Variants in CTNND2 observed in about 807,000 individuals in gnomAD.
The protein encoded by CTNND2 is catenin delta-2.
CTNND2 carries 22 observed loss-of-function variants against 144.4 expected under a neutral mutation model. That is an observed-to-expected ratio of 0.15 (90% CI 0.11 to 0.22). CTNND2 has a LOEUF of 0.22. Ranked by LOEUF, CTNND2 falls within the 10% of genes least tolerant of loss-of-function variation. The pLI is 1.00. For synonymous variants in CTNND2, 751 were observed against 695.6 expected (o/e 1.08, Z -1.25); for missense variants, 1,353 against 1,618.8 (o/e 0.84, Z 2.82).
intron 1 of CTNND2, among the ~76,000 whole-genome samples, chr5:11,840,489 T>C (rs1794407322): frequency 6.6e-6 from 1 of 152,178 alleles, no homozygotes; most frequent in African/African-American, 2.4e-5. Flanking sequence ...GATAAATATC[T>C]TCTATGGTTT....
chr5:11,584,621 A>G (rs955923706), intron 2 of CTNND2, among the ~76,000 whole-genome samples: 1 of 152,146 alleles, frequency 6.6e-6, no homozygotes, highest in South Asian at 2.1e-4. Context: ...ATATGTGCTG[A>G]GTTTAATTAA....
intron 8 of CTNND2, among the ~76,000 whole-genome samples, chr5:11,353,209 C>T (rs1191643240): frequency 6.6e-6 from 1 of 152,072 alleles, no homozygotes; most frequent in Non-Finnish European, 1.5e-5. Flanking sequence ...ATTTAATGCT[C>T]ACAACAGCCT....
intron 9 of CTNND2, among the ~76,000 whole-genome samples, chr5:11,314,013 C>T (rs988301571): frequency 3.3e-5 from 5 of 152,148 alleles, no homozygotes. Context: ...TCATCTCCCA[C>T]CAAGCCCCTC....
chr5:11,407,830 A>G (rs1231268904), intron 5 of CTNND2, among the ~76,000 whole-genome samples: 3 of 149,364 alleles, frequency 2.0e-5, no homozygotes, highest in Non-Finnish European at 4.5e-5. Flanking sequence ...CTGCATATCT[A>G]TTTGCTATGT....
chr5:11,530,105 A>AT (rs1183877456), intron 3 of CTNND2, among the ~76,000 whole-genome samples: 7 of 149,934 alleles, frequency 4.7e-5, no homozygotes, highest in Non-Finnish European at 8.9e-5. Context: ...AGTTCCTTTG[A>AT]TTTTAACTCC....
intron 1 of CTNND2, among the ~76,000 whole-genome samples, chr5:11,826,803 C>A (rs943492843): frequency 5.9e-5 from 9 of 151,696 alleles, no homozygotes; most frequent in African/African-American, 2.2e-4. Flanking sequence ...TATATTCATA[C>A]AACATTATTC....
At chr5:11,185,226 C>T (rs1047978357) in intron 11 of CTNND2, among the ~76,000 whole-genome samples, 18 of 152,182 alleles carry the variant, frequency 1.2e-4, no homozygotes, top group African/African-American at 4.1e-4. Flanking sequence ...GTTTCTCTTT[C>T]CTCCTCTAAG....
chr5:11,404,097 GCA>G (rs1760870335), intron 5 of CTNND2, among the ~76,000 whole-genome samples: 2 of 152,174 alleles, frequency 1.3e-5, no homozygotes, highest in African/African-American at 4.8e-5. Context: ...AGAATATGCA[GCA>G]CACATTCCCA....
intron 2 of CTNND2, among the ~76,000 whole-genome samples, chr5:11,589,282 A>AACACACACACACACACACACAC (rs34009518): frequency 6.8e-6 from 1 of 146,620 alleles, no homozygotes; most frequent in Non-Finnish European, 1.5e-5. Context: ...TTAACATTAA[A>AACACACACACACACACACACAC]ACACACACAC....
intron 2 of CTNND2, among the ~76,000 whole-genome samples, chr5:11,683,786 A>C (rs537547856): frequency 6.6e-6 from 1 of 152,242 alleles, no homozygotes; most frequent in Non-Finnish European, 1.5e-5. Context: ...TGGAGAAACA[A>C]CATATAAAGC....
intron 11 of CTNND2, among the ~76,000 whole-genome samples, chr5:11,163,009 A>C (rs974017034): frequency 2.0e-5 from 3 of 152,014 alleles, no homozygotes; most frequent in Non-Finnish European, 2.9e-5. Context: ...ATGGAAAATA[A>C]ATTTTTTCCT....
At chr5:11,483,579 A>G (rs918829210) in intron 3 of CTNND2, among the ~76,000 whole-genome samples, 2 of 152,210 alleles carry the variant, frequency 1.3e-5, no homozygotes, top group African/African-American at 4.8e-5. Flanking sequence ...ATGACCTTCA[A>G]TTGTCTACAC....
chr5:11,644,274 T>C lies in CTNND2; in HGVS notation c.175-79218A>G, dbSNP rs147063087. Reference sequence around the variant, plus strand: ...ACAGGTACCAACGTGGCACTTTATGTAGGATGTTTCACATTAAAGTAGCTT... The same window carrying C: ...ACAGGTACCAACGTGGCACTTTATGCAGGATGTTTCACATTAAAGTAGCTT... On this transcript the variant is annotated intron_variant, in intron 2 of 21. Coordinates refer to ENST00000304623, the MANE Select transcript of CTNND2 (RefSeq NM_001332.4). Among the ~76,000 whole-genome samples the C allele has an allele frequency of 1.5e-4, 23 of 152,354 alleles. No homozygotes were observed. In the East Asian group the frequency reaches 4.1e-3, roughly 27 times the overall value.
At chr5:11,361,192 T>C (rs1561277067) in intron 8 of CTNND2, among the ~76,000 whole-genome samples, 1 of 152,156 alleles carries the variant, frequency 6.6e-6, no homozygotes, top group Non-Finnish European at 1.5e-5. Flanking sequence ...GGCTAATTTT[T>C]GTATTTTTAG....
intron 12 of CTNND2, among the ~76,000 whole-genome samples, chr5:11,159,182 A>G (rs1314697392): frequency 6.6e-6 from 1 of 152,218 alleles, no homozygotes; most frequent in Non-Finnish European, 1.5e-5. Flanking sequence ...ACAGTTAACC[A>G]GATCCCTATG....
intron 1 of CTNND2, among the ~76,000 whole-genome samples, chr5:11,802,567 C>CA (rs201689886): frequency 0.036 from 4,593 of 127,040 alleles, 137 homozygotes; most frequent in South Asian, 0.088. Flanking sequence ...AACTCCATCT[C>CA]AAAAAAAAAA....
chr5:11,885,865 A>G (rs992578294), intron 1 of CTNND2, among the ~76,000 whole-genome samples: 3 of 152,204 alleles, frequency 2.0e-5, no homozygotes, highest in African/African-American at 7.2e-5. Context: ...GAAATCAATA[A>G]AAGAGGAACT....
chr5:11,246,509 C>T (rs139846100), intron 9 of CTNND2, among the ~76,000 whole-genome samples: 8 of 152,048 alleles, frequency 5.3e-5, no homozygotes, highest in African/African-American at 1.4e-4. Flanking sequence ...CCACCAGAAG[C>T]GAGAAGAGGG....
chr5:10,988,392 G>A lies in CTNND2; in HGVS notation c.3212-150C>T. The A allele has an allele frequency of 1.1e-6, 1 of 905,774 alleles. No individual in the cohort carries two copies. Among genetic ancestry groups the A allele is most frequent in the Non-Finnish European group, 1.6e-6 (1 of 618,038 alleles). 56.1% of individuals were successfully genotyped at this position (905,774 alleles called of 1,614,324 possible). A position where few individuals can be genotyped will look rare whatever the true frequency, so the allele number is the denominator to read the frequency against. The stretch of plus-strand genomic sequence containing the variant: ...GTTTTCTTTTTAATTTTTATTTTTT[G>A]GCAGTTTTGGCTCTTGTCCCTGCCC... On this transcript the variant is annotated intron_variant, in intron 19 of 21. Transcript: ENST00000304623. The surrounding 1 kb of genome is among the most constrained non-coding windows in gnomAD (Gnocchi z 5.9).
Sources: allele counts gnomAD v4.1 joint callset (sites outside exome capture counted in the v4.1 genomes callset), GRCh38; gene constraint gnomAD v4.1.1; non-coding constraint Gnocchi (gnomAD v3.1); transcripts MANE v1.5; gene names NCBI Gene and HGNC (gene_info 2026-07-23, HGNC 2026-07-21).